Variants in RORA observed in about 807,000 individuals in gnomAD.
RORA encodes nuclear receptor ROR-alpha.
RORA carries 7 observed loss-of-function variants against 69.5 expected under a neutral mutation model. That is an observed-to-expected ratio of 0.10 (90% confidence interval 0.06 to 0.19). The LOEUF is 0.19. RORA is among the 10% of genes least tolerant of loss of function. The pLI is 1.00. For synonymous variants in RORA, 261 were observed against 240.8 expected (o/e 1.08, Z -0.78); for missense variants, 457 against 663.0 (o/e 0.69, Z 3.41).
chr15:60,645,416 A>T (rs1343042109), intron 2 of RORA, among the ~76,000 whole-genome samples: 1 of 147,186 alleles, frequency 6.8e-6, no homozygotes, highest in South Asian at 2.2e-4. Flanking sequence ...GTCTTGACAG[A>T]TAAATTTTTT....
chr15:61,024,757 C>T (rs1310300392), intron 1 of RORA, among the ~76,000 whole-genome samples: 2 of 151,544 alleles, frequency 1.3e-5, no homozygotes, highest in Non-Finnish European at 2.9e-5. Flanking sequence ...GTCCTGGCTA[C>T]ATTTTGTATT....
chr15:61,053,632 G>A (rs1206895584), intron 1 of RORA, among the ~76,000 whole-genome samples: 1 of 151,772 alleles, frequency 6.6e-6, no homozygotes, highest in African/African-American at 2.4e-5. Flanking sequence ...AGGAGAAAGA[G>A]GTAGAATCCC....
At chr15:60,751,954 G>A (rs958633544) in intron 1 of RORA, among the ~76,000 whole-genome samples, 4 of 152,066 alleles carry the variant, frequency 2.6e-5, no homozygotes, top group East Asian at 1.9e-4. Flanking sequence ...GAAGAGATCC[G>A]ACAACATGTG....
At chr15:60,755,469 G>A (rs1156623557) in intron 1 of RORA, among the ~76,000 whole-genome samples, 3 of 152,044 alleles carry the variant, frequency 2.0e-5, no homozygotes, top group Admixed American at 6.6e-5. Flanking sequence ...CTTTATAGCA[G>A]CATGATTTAT....
intron 1 of RORA, among the ~76,000 whole-genome samples, chr15:60,855,651 CT>C (rs2073371743): frequency 6.6e-6 from 1 of 151,294 alleles, no homozygotes; most frequent in African/African-American, 2.5e-5. Flanking sequence ...CTAAGTCTCG[CT>C]CTGTCGCCCA....
At chr15:61,215,693 T>C (rs986983033) in intron 1 of RORA, among the ~76,000 whole-genome samples, 2 of 152,262 alleles carry the variant, frequency 1.3e-5, no homozygotes, top group African/African-American at 4.8e-5. Context: ...TATATGTATA[T>C]GTATAAATAA....
intron 1 of RORA, among the ~76,000 whole-genome samples, chr15:60,922,693 G>A (rs1041891030): frequency 6.6e-6 from 1 of 152,174 alleles, no homozygotes; most frequent in Non-Finnish European, 1.5e-5. Flanking sequence ...AGCTGTTTAT[G>A]ACTTTGGCCA....
chr15:61,083,281 T>C (rs4775355), intron 1 of RORA, among the ~76,000 whole-genome samples: 21,469 of 152,168 alleles, frequency 0.14, 1,952 homozygotes, highest in South Asian at 0.22. Flanking sequence ...ATAGTGACCA[T>C]GTTATTAAAA....
chr15:60,595,967 T>C (rs952308653), intron 2 of RORA, among the ~76,000 whole-genome samples: 8 of 152,214 alleles, frequency 5.3e-5, no homozygotes, highest in African/African-American at 1.9e-4. Context: ...TAATGCCAAG[T>C]TGTTCCCAAA....
At chr15:60,658,385 A>T (rs2070254772) in intron 2 of RORA, among the ~76,000 whole-genome samples, 2 of 152,142 alleles carry the variant, frequency 1.3e-5, no homozygotes, top group South Asian at 2.1e-4. Context: ...GGTGCTTTCC[A>T]TATAGTAGGA....
At chr15:61,137,934 A>C (rs568044477) in intron 1 of RORA, among the ~76,000 whole-genome samples, 5 of 152,338 alleles carry the variant, frequency 3.3e-5, no homozygotes, top group South Asian at 2.1e-4. Flanking sequence ...ATAAATTGGA[A>C]AGTTATTGTC....
chr15:60,699,894 G>C (rs2070958115), intron 1 of RORA, among the ~76,000 whole-genome samples: 1 of 151,566 alleles, frequency 6.6e-6, no homozygotes, highest in African/African-American at 2.4e-5. Flanking sequence ...GTTTAGATTA[G>C]GATTATATTC....
chr15:60,629,216 C>CT (rs1429861092), intron 2 of RORA, among the ~76,000 whole-genome samples: 1 of 68,790 alleles, frequency 1.5e-5, no homozygotes, highest in Non-Finnish European at 2.5e-5. Context: ...GAAACAGAGT[C>CT]TTGCTCTGTT....
intron 1 of RORA, among the ~76,000 whole-genome samples, chr15:60,917,956 T>C (rs1260924373): frequency 6.6e-6 from 1 of 152,216 alleles, no homozygotes; most frequent in Non-Finnish European, 1.5e-5. Context: ...AAAAGTGGGA[T>C]GGCCTGTGAA....
chr15:60,911,312 T>C (rs1891708739), intron 1 of RORA, among the ~76,000 whole-genome samples: 1 of 152,086 alleles, frequency 6.6e-6, no homozygotes, highest in African/African-American at 2.4e-5. Flanking sequence ...ACTGGTGGAC[T>C]GATGGAATGC....
At chr15:60,772,105 C>T (rs770744760) in intron 1 of RORA, among the ~76,000 whole-genome samples, 7 of 151,890 alleles carry the variant, frequency 4.6e-5, no homozygotes, top group Non-Finnish European at 8.8e-5. Context: ...AAGTGCATAA[C>T]GTGCAGGTTT....
intron 2 of RORA, among the ~76,000 whole-genome samples, chr15:60,674,192 C>T (rs1353181139): frequency 1.3e-5 from 2 of 152,162 alleles, no homozygotes; most frequent in Non-Finnish European, 2.9e-5. Context: ...TTAGCTTTGC[C>T]AAGAATGGTT....
At position 61,006,570 on chromosome 15, in the gene RORA, G is replaced by A. The variant is rs1053307307; in HGVS notation, c.166+222483C>T. 3.3e-5 allele frequency among the ~76,000 whole-genome samples: 5 copies of A among 152,138 alleles called. No homozygotes were observed. In the South Asian group the frequency reaches 1.0e-3, roughly 31 times the overall value. On this transcript the variant is annotated intron_variant, in intron 1 of 10. Transcript: ENST00000335670. ...GTGACAAATAAAAGTGATAATGCAT[G>A]TGTTAATAAAAACACCTGCTGCACA...
intron 1 of RORA, among the ~76,000 whole-genome samples, chr15:61,216,119 T>C (rs1192862540): frequency 6.6e-6 from 1 of 152,206 alleles, no homozygotes; most frequent in African/African-American, 2.4e-5. Flanking sequence ...ACTCCTTGAA[T>C]ACTTTGACCT....
Sources: allele counts gnomAD v4.1 joint callset (sites outside exome capture counted in the v4.1 genomes callset), GRCh38; gene constraint gnomAD v4.1.1; transcripts MANE v1.5; gene names NCBI Gene and HGNC (gene_info 2026-07-23, HGNC 2026-07-21).